PRKG1: variants seen among roughly 807,000 people sequenced by gnomAD.
The protein encoded by PRKG1 is protein kinase cGMP-dependent 1.
Under a neutral mutation model 88.1 loss-of-function variants are expected in PRKG1, and 35 were observed. That is an observed-to-expected ratio of 0.40 (90% CI 0.30 to 0.53). The LOEUF is 0.53. Ranked by LOEUF, PRKG1 falls within the 20% of genes least tolerant of loss-of-function variation. PRKG1 has a pLI of 0.59. For missense variants in PRKG1, 540 were observed against 839.8 expected, an observed-to-expected ratio of 0.64 and a Z score of 4.41; for synonymous variants, 303 against 292.5, an observed-to-expected ratio of 1.04 and a Z score of -0.37.
At chr10:51,217,376 G>A (rs926105761) in intron 2 of PRKG1, among the ~76,000 whole-genome samples, 4 of 152,006 alleles carry the variant, frequency 2.6e-5, no homozygotes, top group Non-Finnish European at 5.9e-5. Context: ...TAATAAGTTT[G>A]GTGTGGGGAA....
At chr10:52,029,945 A>G (rs1317484082) in intron 5 of PRKG1, among the ~76,000 whole-genome samples, 2 of 152,070 alleles carry the variant, frequency 1.3e-5, no homozygotes, top group Non-Finnish European at 2.9e-5. Flanking sequence ...ACTGAACCCC[A>G]TCCACTTTTT....
At chr10:51,979,410 G>GTTTTTTCTTTTT (rs1843937089) in intron 5 of PRKG1, among the ~76,000 whole-genome samples, 1 of 47,056 alleles carries the variant, frequency 2.1e-5, no homozygotes, top group Non-Finnish European at 3.6e-5. Context: ...ATATTGGTCT[G>GTTTTTTCTTTTT]TTTTTTTTTT....
intron 14 of PRKG1, among the ~76,000 whole-genome samples, chr10:52,283,016 G>T (rs191746704): frequency 6.6e-6 from 1 of 152,126 alleles, no homozygotes; most frequent in East Asian, 1.9e-4. Context: ...AGGCAAATAG[G>T]CATGGCTTAA....
At chr10:51,878,948 A>G (rs1470141715) in intron 4 of PRKG1, among the ~76,000 whole-genome samples, 1 of 152,212 alleles carries the variant, frequency 6.6e-6, no homozygotes. Flanking sequence ...TGGCATGTCT[A>G]ATCCCATTAT....
Position 52,294,076 on chromosome 10 carries a change from GC to G in PRKG1, c.*177del. The G allele has an allele frequency of 2.0e-6, 1 of 508,982 alleles. No homozygotes were observed. The highest frequency in any genetic ancestry group is 3.5e-5 in the South Asian group (1 of 28,246). The allele number at this position is 508,982 out of a possible 1,614,324, so 31.5% of individuals were successfully genotyped here. A position where few individuals can be genotyped will look rare whatever the true frequency, so the allele number is the denominator to read the frequency against. On this transcript the variant is annotated 3_prime_UTR_variant, in exon 18 of 18. Transcript: ENST00000373980. ...GACTTACCGCTTAGATGACAATAGT[GC>G]TCTTTACATGTTTTCTGTTTGAACC...
At chr10:51,089,259 G>A (rs1413157995) in intron 1 of PRKG1, among the ~76,000 whole-genome samples, 2 of 152,146 alleles carry the variant, frequency 1.3e-5, no homozygotes, top group African/African-American at 4.8e-5. Flanking sequence ...TTAAAAATAA[G>A]ATAGACTGAT....
intron 3 of PRKG1, among the ~76,000 whole-genome samples, chr10:51,666,115 A>G (rs888060667): frequency 2.0e-5 from 3 of 152,216 alleles, no homozygotes; most frequent in African/African-American, 7.2e-5. Flanking sequence ...TGTATGTACC[A>G]TATAACAGGA....
intron 3 of PRKG1, among the ~76,000 whole-genome samples, chr10:51,478,316 G>GT (rs1846736513): frequency 6.6e-6 from 1 of 152,030 alleles, no homozygotes; most frequent in Non-Finnish European, 1.5e-5. Flanking sequence ...AAGACTTGTG[G>GT]TGTTCAATTT....
chr10:52,023,079 C>A (rs1488659966), intron 5 of PRKG1, among the ~76,000 whole-genome samples: 4 of 152,094 alleles, frequency 2.6e-5, no homozygotes, highest in Non-Finnish European at 5.9e-5. Flanking sequence ...CCCCCACACC[C>A]CGACAGGTCC....
At chr10:51,674,291 T>C (rs1411103705) in intron 3 of PRKG1, among the ~76,000 whole-genome samples, 6 of 152,102 alleles carry the variant, frequency 3.9e-5, no homozygotes, top group Non-Finnish European at 8.8e-5. Flanking sequence ...ACCTGTCATG[T>C]ACATTAGGTA....
At chr10:51,586,880 TG>T (rs1292623878) in intron 3 of PRKG1, among the ~76,000 whole-genome samples, 1 of 152,180 alleles carries the variant, frequency 6.6e-6, no homozygotes, top group Admixed American at 6.6e-5. Context: ...AGGAAAAGGA[TG>T]TACATGTATT....
chr10:52,237,323 A>G (rs997560960), intron 9 of PRKG1, among the ~76,000 whole-genome samples: 1 of 144,044 alleles, frequency 6.9e-6, no homozygotes, highest in African/African-American at 2.7e-5. Flanking sequence ...GGCCAGGGCA[A>G]TTAGGCAGGA....
intron 3 of PRKG1, among the ~76,000 whole-genome samples, chr10:51,701,919 T>C (rs1272221895): frequency 3.9e-5 from 6 of 152,154 alleles, no homozygotes; most frequent in Non-Finnish European, 7.3e-5. Flanking sequence ...TCTGGAGAAT[T>C]TGCATTTCTA....
rs554138803 is a variant in PRKG1, at chr10:51,694,709, T to A, written c.593-109876T>A. 6.6e-5 allele frequency among the ~76,000 whole-genome samples: 10 copies of A among 151,850 alleles called. No individual in the cohort carries two copies. The South Asian group carries it at 2.1e-3, about 31-fold the overall frequency. ...TATGATGAATGAATTGGTGATTTTATTTTAGTCTACACATCCTAGGGAAAA... is the reference window on the plus strand; with the variant it reads ...TATGATGAATGAATTGGTGATTTTAATTTAGTCTACACATCCTAGGGAAAA... On this transcript the variant is annotated intron_variant, in intron 3 of 17. Transcript: ENST00000373980.
chr10:51,453,397 G>A (rs1839494546), intron 2 of PRKG1, among the ~76,000 whole-genome samples: 1 of 151,942 alleles, frequency 6.6e-6, no homozygotes, highest in Non-Finnish European at 1.5e-5. Flanking sequence ...CTTGAGGTGT[G>A]ATCTTAGGTT....
chr10:51,921,114 C>G (rs190936716), intron 5 of PRKG1, among the ~76,000 whole-genome samples: 2,220 of 152,116 alleles, frequency 0.015, 56 homozygotes, highest in Non-Finnish European at 0.021. Flanking sequence ...AGTTTCACTG[C>G]CCTAAAAATC....
At chr10:52,149,040 C>A (rs923178863) in intron 8 of PRKG1, among the ~76,000 whole-genome samples, 2 of 90,742 alleles carry the variant, frequency 2.2e-5, no homozygotes. Flanking sequence ...AAAAGGGAAA[C>A]AACAAAACAA....
At chr10:51,870,107 G>A (rs10999850) in intron 4 of PRKG1, among the ~76,000 whole-genome samples, 19,660 of 152,008 alleles carry the variant, frequency 0.13, 1,574 homozygotes, top group Admixed American at 0.18. Flanking sequence ...ATGAACAAAT[G>A]TCTGTGATGG....
intron 2 of PRKG1, among the ~76,000 whole-genome samples, chr10:51,379,054 T>C (rs1449546010): frequency 6.6e-6 from 1 of 152,192 alleles, no homozygotes; most frequent in Non-Finnish European, 1.5e-5. Flanking sequence ...TGACTCTCTA[T>C]CCCACCTCTT....
Sources: allele counts gnomAD v4.1 joint callset (sites outside exome capture counted in the v4.1 genomes callset), GRCh38; gene constraint gnomAD v4.1.1; transcripts MANE v1.5; gene names NCBI Gene and HGNC (gene_info 2026-07-23, HGNC 2026-07-21).